CDCP1: variants seen among roughly 807,000 people sequenced by gnomAD.
CDCP1 encodes CUB domain containing protein 1.
In CDCP1, 29 loss-of-function variants were observed where a neutral mutation model predicts 60.2. The ratio of observed to expected loss-of-function variants is 0.48; its 90% CI spans 0.36 to 0.66. The LOEUF is 0.66. Ranked by LOEUF, CDCP1 falls within the 30% of genes least tolerant of loss-of-function variation. CDCP1 has a pLI of 0.00. For missense variants in CDCP1, 876 were observed against 1,074.3 expected (o/e 0.82, Z 2.58); for synonymous variants, 387 against 431.1 (o/e 0.90, Z 1.27).
chr3:45,086,755 G>A (rs886442517), intron 8 of CDCP1, among the ~76,000 whole-genome samples: 1 of 152,232 alleles, frequency 6.6e-6, no homozygotes, highest in Non-Finnish European at 1.5e-5. Context: ...GGTTTATAAT[G>A]TTCTTTGGTA....
At chr3:45,130,703 A>G (rs1699076435) in intron 1 of CDCP1, among the ~76,000 whole-genome samples, 1 of 152,216 alleles carries the variant, frequency 6.6e-6, no homozygotes, top group Non-Finnish European at 1.5e-5. Flanking sequence ...GTCCTTCCTC[A>G]TGATCTGAAC....
At chr3:45,129,309 C>G (rs990425639) in intron 1 of CDCP1, among the ~76,000 whole-genome samples, 25 of 152,340 alleles carry the variant, frequency 1.6e-4, no homozygotes, top group African/African-American at 5.8e-4. Context: ...CAATCCAAAA[C>G]ACGGACATTA....
At chr3:45,134,476 G>A (rs1468548690) in intron 1 of CDCP1, among the ~76,000 whole-genome samples, 1 of 152,192 alleles carries the variant, frequency 6.6e-6, no homozygotes, top group Admixed American at 6.5e-5. Context: ...TCACTCAGGG[G>A]ACTTGACTGG....
At chr3:45,125,181 T>C (rs1698957212) in intron 1 of CDCP1, among the ~76,000 whole-genome samples, 1 of 152,152 alleles carries the variant, frequency 6.6e-6, no homozygotes, top group African/African-American at 2.4e-5. Flanking sequence ...GATGCCAAGA[T>C]ATGAAAATCA....
At chr3:45,094,942 G>T (rs1489517868) in intron 5 of CDCP1, among the ~76,000 whole-genome samples, 22 of 138,466 alleles carry the variant, frequency 1.6e-4, no homozygotes, top group Non-Finnish European at 2.7e-4. Context: ...TGTGGGTGGG[G>T]TTTTTTTTTT....
At position 45,085,369 on chromosome 3, in the gene CDCP1, C is replaced by A. The variant is rs1398452818; in HGVS notation, c.*269G>T. The A allele has an allele frequency of 2.4e-6, 1 of 424,512 alleles. No individual in the cohort carries two copies. Among genetic ancestry groups the A allele is most frequent in the African/African-American group, 2.0e-5 (1 of 50,426 alleles). 26.3% of individuals were successfully genotyped at this position (424,512 alleles called of 1,614,324 possible). A position where few individuals can be genotyped will look rare whatever the true frequency, so the allele number is the denominator to read the frequency against. On this transcript the variant is annotated 3_prime_UTR_variant, in exon 9 of 9. Transcript: ENST00000296129. This position sits in a 1 kb window ranked among gnomAD's most constrained non-coding sequence, Gnocchi z 4.2. Reference sequence around the variant, plus strand: ...CCTATGCTAGGTGACTCAGGCCTCTCTCCTCTCATTACAGGCTGGCTAACC... The same window carrying A: ...CCTATGCTAGGTGACTCAGGCCTCTATCCTCTCATTACAGGCTGGCTAACC...
intron 4 of CDCP1, among the ~76,000 whole-genome samples, chr3:45,095,995 T>A (rs1698390543): frequency 6.6e-6 from 1 of 152,232 alleles, no homozygotes; most frequent in South Asian, 2.1e-4. Context: ...ATGTCACTTG[T>A]AATCAGAAAA....
At chr3:45,138,501 C>T (rs1418682083) in intron 1 of CDCP1, among the ~76,000 whole-genome samples, 4 of 152,110 alleles carry the variant, frequency 2.6e-5, no homozygotes, top group African/African-American at 4.8e-5. Context: ...TGTCTTAGTT[C>T]GTTTTGTGTT....
intron 2 of CDCP1, among the ~76,000 whole-genome samples, chr3:45,116,454 C>T (rs1359469703): frequency 6.6e-6 from 1 of 151,366 alleles, no homozygotes; most frequent in East Asian, 1.9e-4. Context: ...TTGAGATAAT[C>T]ATATGTAGTT....
chr3:45,092,234 T>C (rs958368864), intron 6 of CDCP1, among the ~76,000 whole-genome samples: 15 of 152,298 alleles, frequency 9.8e-5, no homozygotes, highest in Non-Finnish European at 1.3e-4. Context: ...ACCAGGCAAG[T>C]TTCCCAAACT....
At chr3:45,138,267 C>A (rs529930220) in intron 1 of CDCP1, among the ~76,000 whole-genome samples, 1 of 152,342 alleles carries the variant, frequency 6.6e-6, no homozygotes, top group South Asian at 2.1e-4. Flanking sequence ...AGCAGCTTCA[C>A]TTCTAGGAAT....
Position 45,091,557 on chromosome 3 carries a change from G to A in CDCP1, c.1628-19C>T, listed in dbSNP as rs781427916. 1.9e-6 allele frequency: 3 copies of A among 1,575,036 alleles called. No individual in the cohort carries two copies. Among genetic ancestry groups the A allele is most frequent in the East Asian group, 4.5e-5 (2 of 44,408 alleles). The stretch of plus-strand genomic sequence containing the variant: ...CCTTCCTCTGCAGGAAAGGGAGGGA[G>A]ATCCAGACAGATGTTTCATTCAGTC... On this transcript the variant is annotated intron_variant, in intron 6 of 8. Coordinates refer to ENST00000296129, the MANE Select transcript of CDCP1 (RefSeq NM_022842.5). The surrounding 1 kb of genome is among the most constrained non-coding windows in gnomAD (Gnocchi z 4.8).
At position 45,085,904 on chromosome 3, in the gene CDCP1, C is replaced by A. The variant is rs141086872; in HGVS notation, c.2245G>T (p.Asp749Tyr). The change falls in exon 9 of 9, where the codon GAT becomes TAT. Residue 749 changes from aspartate to tyrosine, a missense_variant. Asp to Tyr is a radical substitution (Grantham distance 160). Transcript: ENST00000296129. This position sits in a 1 kb window ranked among gnomAD's most constrained non-coding sequence, Gnocchi z 4.2. ...DTMVYGHLLQ[D>Y]SSGSFLQPEV... ...GGCTGCAGGAAGGAGCCGCTGGAAT[C>A]CTGTAGCAGATGCCCATATACCATG... 1.7e-5 allele frequency: 28 copies of A among 1,614,072 alleles called. No individual in the cohort carries two copies. The highest frequency in any genetic ancestry group is 2.2e-5 in the Non-Finnish European group (26 of 1,180,036).
rs193038713 is a variant in CDCP1, at chr3:45,110,149, C to T, written c.1024+324G>A. ...GTTCCCATCATCATCGCTGATGGTGCGGGTGACATCCTCATTCACATTGCA... is the reference window on the plus strand; with the variant it reads ...GTTCCCATCATCATCGCTGATGGTGTGGGTGACATCCTCATTCACATTGCA... On this transcript the variant is annotated intron_variant, in intron 4 of 8. Coordinates refer to ENST00000296129, the MANE Select transcript of CDCP1 (RefSeq NM_022842.5). 5.3e-5 allele frequency: 59 copies of T among 1,106,610 alleles called. No homozygotes were observed. The South Asian group carries it at 7.6e-4, about 14-fold the overall frequency. 68.5% of individuals were successfully genotyped at this position (1,106,610 alleles called of 1,614,324 possible). A position where few individuals can be genotyped will look rare whatever the true frequency, so the allele number is the denominator to read the frequency against.
At chr3:45,134,364 T>C (rs1418796861) in intron 1 of CDCP1, among the ~76,000 whole-genome samples, 2 of 152,114 alleles carry the variant, frequency 1.3e-5, no homozygotes, top group African/African-American at 4.8e-5. Flanking sequence ...GACCTCGTGA[T>C]CTCCCCGCCT....
chr3:45,133,696 C>T (rs1422601511), intron 1 of CDCP1, among the ~76,000 whole-genome samples: 2 of 9,072 alleles, frequency 2.2e-4, no homozygotes, highest in Admixed American at 1.5e-3. Context: ...CCAGCCTGGG[C>T]GACAGAGCGA....
chr3:45,141,795 T>A (rs1260756117), intron 1 of CDCP1, among the ~76,000 whole-genome samples: 1 of 152,130 alleles, frequency 6.6e-6, no homozygotes, highest in Non-Finnish European at 1.5e-5. Flanking sequence ...GATTATGGCA[T>A]AATTTTTATA....
intron 1 of CDCP1, among the ~76,000 whole-genome samples, chr3:45,121,385 A>G (rs886557871): frequency 1.3e-5 from 2 of 152,208 alleles, no homozygotes; most frequent in Non-Finnish European, 2.9e-5. Flanking sequence ...TGAGCTGTAT[A>G]TTACAACTCT....
chr3:45,141,542 G>A (rs1237586234), intron 1 of CDCP1, among the ~76,000 whole-genome samples: 2 of 152,332 alleles, frequency 1.3e-5, no homozygotes, highest in African/African-American at 4.8e-5. Context: ...ATGGATTACT[G>A]ATGTTAATCA....
Sources: allele counts gnomAD v4.1 joint callset (sites outside exome capture counted in the v4.1 genomes callset), GRCh38; gene constraint gnomAD v4.1.1; non-coding constraint Gnocchi (gnomAD v3.1); transcripts MANE v1.5; gene names NCBI Gene and HGNC (gene_info 2026-07-23, HGNC 2026-07-21).